Variants in ITK observed in about 807,000 individuals in gnomAD.
ITK encodes tyrosine-protein kinase ITK/TSK.
A neutral mutation model predicts 87.6 loss-of-function variants in ITK; 45 were observed. That is an observed-to-expected ratio of 0.51 (90% CI 0.40 to 0.66). The LOEUF is 0.66. Among genes scored for constraint, ITK ranks in the 30% least tolerant of loss-of-function variants. The probability of loss-of-function intolerance (pLI) is 0.00; values close to 1 mark genes in which losing one functional copy is unlikely to be tolerated. For missense variants in ITK, 605 were observed against 766.3 expected, an observed-to-expected ratio of 0.79 and a Z score of 2.48; for synonymous variants, 303 against 273.6, an observed-to-expected ratio of 1.11 and a Z score of -1.06.
At chr5:157,237,669 G>A (rs896415102) in intron 8 of ITK, among the ~76,000 whole-genome samples, 7 of 152,204 alleles carry the variant, frequency 4.6e-5, no homozygotes, top group African/African-American at 1.7e-4. Context: ...CCAAGGCTGG[G>A]CTTTGCTCAC....
At chr5:157,188,953 C>T (rs578084166) in intron 1 of ITK, among the ~76,000 whole-genome samples, 1 of 152,300 alleles carries the variant, frequency 6.6e-6, no homozygotes, top group East Asian at 1.9e-4. Context: ...GTATCACCAT[C>T]ATCTAAAACA....
chr5:157,192,591 G>A (rs1676470552), intron 1 of ITK, among the ~76,000 whole-genome samples: 1 of 152,144 alleles, frequency 6.6e-6, no homozygotes, highest in African/African-American at 2.4e-5. Context: ...TAAAATCAAA[G>A]GATTCAGCTG....
At chr5:157,200,801 G>A (rs1454149316) in intron 1 of ITK, among the ~76,000 whole-genome samples, 1 of 152,174 alleles carries the variant, frequency 6.6e-6, no homozygotes, top group Non-Finnish European at 1.5e-5. Context: ...TGAGTTGGTA[G>A]GAGAACTCCT....
chr5:157,235,088 G>A (rs1404160652), intron 8 of ITK, among the ~76,000 whole-genome samples: 1 of 152,146 alleles, frequency 6.6e-6, no homozygotes, highest in Non-Finnish European at 1.5e-5. Context: ...GCACCTTGTA[G>A]TTGTTCAATA....
chr5:157,230,418 G>T (rs372499023), intron 7 of ITK, among the ~76,000 whole-genome samples: 1 of 152,110 alleles, frequency 6.6e-6, no homozygotes, highest in South Asian at 2.1e-4. Flanking sequence ...ACCTATTAAC[G>T]CATTAGGGTT....
intron 4 of ITK, among the ~76,000 whole-genome samples, chr5:157,216,275 C>T (rs1279223246): frequency 6.6e-6 from 1 of 152,112 alleles, no homozygotes; most frequent in African/African-American, 2.4e-5. Context: ...ATTGGCAGTG[C>T]GGGTCTATGA....
chr5:157,237,768 C>A (rs76165397), intron 8 of ITK, among the ~76,000 whole-genome samples: 1 of 152,082 alleles, frequency 6.6e-6, no homozygotes, highest in Non-Finnish European at 1.5e-5. Flanking sequence ...GTGTCATTGG[C>A]GGTTAAGGAT....
At chr5:157,243,855 G>T in intron 12 of ITK, 61 bp downstream of exon 12, 1 of 1,523,762 alleles carries the variant, frequency 6.6e-7, no homozygotes. Flanking sequence ...CAGTGTTCTT[G>T]AAATGCCATT....
chr5:157,200,892 A>C (rs1263901077), intron 1 of ITK, among the ~76,000 whole-genome samples: 1 of 152,170 alleles, frequency 6.6e-6, no homozygotes, highest in Non-Finnish European at 1.5e-5. Context: ...TCTACTGAGC[A>C]CCTGAAGTAT....
chr5:157,245,845 G>A (rs199830726), intron 14 of ITK, 36 bp from the exon 15 acceptor site: 2 of 1,609,984 alleles, frequency 1.2e-6, no homozygotes, highest in East Asian at 4.5e-5. Flanking sequence ...GAGGCCCCCG[G>A]AACATTCTGA....
chr5:157,216,169 T>C (rs1276726367), intron 4 of ITK, among the ~76,000 whole-genome samples: 1 of 152,168 alleles, frequency 6.6e-6, no homozygotes, highest in African/African-American at 2.4e-5. Flanking sequence ...TTTTGCACAG[T>C]TGAGAGCAGA....
chr5:157,191,518 A>G (rs1161485384), intron 1 of ITK, among the ~76,000 whole-genome samples: 1 of 152,224 alleles, frequency 6.6e-6, no homozygotes, highest in Admixed American at 6.5e-5. Flanking sequence ...TGGTCTGAAG[A>G]CATCAATTTA....
At chr5:157,185,354 T>C (rs1753620128) in intron 1 of ITK, among the ~76,000 whole-genome samples, 1 of 151,864 alleles carries the variant, frequency 6.6e-6, no homozygotes, top group Admixed American at 6.6e-5. Flanking sequence ...TTCCTCTGCC[T>C]CAGCCTCTTG....
intron 5 of ITK, among the ~76,000 whole-genome samples, chr5:157,220,092 T>C (rs557589249): frequency 6.6e-6 from 1 of 152,312 alleles, no homozygotes; most frequent in East Asian, 1.9e-4. Context: ...GGTAATGACA[T>C]CTCGGGTTGT....
chr5:157,216,962 T>C (rs1381612363), intron 4 of ITK, among the ~76,000 whole-genome samples: 3 of 152,060 alleles, frequency 2.0e-5, no homozygotes, highest in African/African-American at 4.8e-5. Flanking sequence ...GTCAACCTCA[T>C]ACAGAAATGA....
At chr5:157,224,488 T>TG (rs1754490948) in intron 6 of ITK, 1 of 152,032 alleles carries the variant, frequency 6.6e-6, no homozygotes, top group Non-Finnish European at 1.5e-5. Flanking sequence ...TTAAAATAGT[T>TG]GCATGGGCCG....
chr5:157,213,517 A>G, intron 3 of ITK: 1 of 433,198 alleles, frequency 2.3e-6, no homozygotes, highest in South Asian at 1.7e-5. Flanking sequence ...AGCTGGGACT[A>G]CAGGTGCATG....
chr5:157,242,920 CAA>C (rs1320410477), intron 11 of ITK, among the ~76,000 whole-genome samples: 1 of 152,230 alleles, frequency 6.6e-6, no homozygotes, highest in East Asian at 1.9e-4. Context: ...GTCTCTGCCT[CAA>C]AGCAGTGGAA....
chr5:157,216,997 C>A (rs1258094977), intron 4 of ITK, among the ~76,000 whole-genome samples: 2 of 152,084 alleles, frequency 1.3e-5, no homozygotes, highest in Non-Finnish European at 2.9e-5. Context: ...ACCTATGCAG[C>A]CCATTCTCTT....
Sources: allele counts gnomAD v4.1 joint callset (sites outside exome capture counted in the v4.1 genomes callset), GRCh38; gene constraint gnomAD v4.1.1; transcripts MANE v1.5; gene names NCBI Gene and HGNC (gene_info 2026-07-23, HGNC 2026-07-21).